ATAD3B: variants seen among roughly 807,000 people sequenced by gnomAD.
The protein encoded by ATAD3B is ATPase family AAA domain containing 3B.
Under a neutral mutation model 70.2 loss-of-function variants are expected in ATAD3B, and 59 were observed. The ratio of observed to expected loss-of-function variants is 0.84; its 90% CI spans 0.68 to 1.04. The LOEUF is 1.04. Among genes scored for constraint, ATAD3B ranks in the 50% least tolerant of loss-of-function variants. The pLI is 0.00. For synonymous variants in ATAD3B, 423 were observed against 388.6 expected (o/e 1.09, Z -1.04); for missense variants, 961 against 913.4 (o/e 1.05, Z -0.67).
At chr1:1,479,883 C>G (rs1047662785) in intron 4 of ATAD3B, among the ~76,000 whole-genome samples, 2 of 143,662 alleles carry the variant, frequency 1.4e-5, no homozygotes, top group Non-Finnish European at 3.0e-5. Flanking sequence ...CACCCCCACA[C>G]GGGCATGCAC....
At chr1:1,477,192 T>G in intron 1 of ATAD3B, 82 bp from the exon 2 acceptor site, 2 of 1,544,236 alleles carry the variant, frequency 1.3e-6, no homozygotes, top group Non-Finnish European at 1.8e-6. Flanking sequence ...GTATTTTTAG[T>G]AGAGGTTGGG....
chr1:1,506,812 G>C, the ATAD3B span, among the ~76,000 whole-genome samples: 1 of 143,316 alleles, frequency 7.0e-6, no homozygotes, highest in African/African-American at 2.6e-5. Context: ...TTTTGATATG[G>C]AGTCTCGCTC....
At chr1:1,501,297 G>A (rs1277188074), downstream of ATAD3B, among the ~76,000 whole-genome samples, 7 of 148,074 alleles carry the variant, frequency 4.7e-5, no homozygotes, top group African/African-American at 1.5e-4. Flanking sequence ...CTCTGTCACC[G>A]AGGCTGGAGT....
In ATAD3B at chr1:1,482,137, G is replaced by C. The variant is rs772346770; in HGVS notation, c.515-1G>C. On this transcript the variant is annotated splice_acceptor_variant, in intron 5 of 15. Transcript: ENST00000673477. LOFTEE classifies it high-confidence loss of function. ...TGAGCTGCCCTGCCTCTCTGGGGCA[G>C]CCACCGTGGAGCGGGAGATGGAGCT... is the stretch of plus-strand genomic sequence containing the variant. 48 of 1,607,008 alleles carry C rather than the reference G, an allele frequency of 3.0e-5. 1 individual carries two copies. The highest frequency in any genetic ancestry group is 1.3e-4 in the Admixed American group (8 of 59,362).
rs984804497 is a variant in ATAD3B, at chr1:1,496,257, G to A, written c.*440G>A. ...CTCGGGGTTTCAGGGGCGCCCTAGCGTCCTCCTGGGGTCAAAGGTGACATA... is the reference window on the plus strand; with the variant it reads ...CTCGGGGTTTCAGGGGCGCCCTAGCATCCTCCTGGGGTCAAAGGTGACATA... On this transcript the variant is annotated 3_prime_UTR_variant, in exon 16 of 16. Transcript: ENST00000673477. 3.3e-5 allele frequency: 33 copies of A among 992,928 alleles called. 1 individual carries two copies. The highest frequency in any genetic ancestry group is 1.4e-4 in the South Asian group (3 of 21,556). The allele number at this position is 992,928 out of a possible 1,614,324, so 61.5% of individuals were successfully genotyped here. A position where few individuals can be genotyped will look rare whatever the true frequency, so the allele number is the denominator to read the frequency against.
intron 1 of ATAD3B, among the ~76,000 whole-genome samples, chr1:1,476,851 G>A (rs905912673): frequency 6.8e-6 from 1 of 148,082 alleles, no homozygotes; most frequent in East Asian, 2.0e-4. Context: ...CTGTTGCCCC[G>A]GCTGGAGTGC....
chr1:1,501,517 A>C (rs1333743194), downstream of ATAD3B, among the ~76,000 whole-genome samples: 2 of 152,196 alleles, frequency 1.3e-5, no homozygotes, highest in African/African-American at 4.8e-5. Flanking sequence ...GGCCTCCCAA[A>C]GTGCTGGAAT....
chr1:1,500,487 G>A (rs1640919255), downstream of ATAD3B, among the ~76,000 whole-genome samples: 1 of 149,106 alleles, frequency 6.7e-6, no homozygotes, highest in South Asian at 2.1e-4. Context: ...AGGAGGCGGA[G>A]CTTGCAGTGA....
At chr1:1,485,969 G>C (rs1640189510) in intron 9 of ATAD3B, 131 bp downstream of exon 9, 1 of 1,591,898 alleles carries the variant, frequency 6.3e-7, no homozygotes, top group African/African-American at 1.3e-5. Context: ...TGCTTGGACT[G>C]TGCCGGGGAT....
intron 15 of ATAD3B, among the ~76,000 whole-genome samples, chr1:1,491,376 C>T (rs1385295691): frequency 6.6e-6 from 1 of 151,894 alleles, no homozygotes; most frequent in Non-Finnish European, 1.5e-5. Flanking sequence ...ACTAAAAATA[C>T]AAAAATTAGC....
At chr1:1,480,669 A>C (rs112150978) in intron 4 of ATAD3B, among the ~76,000 whole-genome samples, 198 bp from the exon 5 acceptor site, 4,816 of 144,338 alleles carry the variant, frequency 0.033, 679 homozygotes, top group African/African-American at 0.12. Flanking sequence ...GGAGTTTGGG[A>C]CCCTGAACCC....
At chr1:1,478,362 G>C in intron 2 of ATAD3B, 12 of 1,417,158 alleles carry the variant, frequency 8.5e-6, no homozygotes, top group Non-Finnish European at 1.1e-5. Context: ...GTGAGCACCT[G>C]CCTGGAGCTG....
intron 15 of ATAD3B, among the ~76,000 whole-genome samples, chr1:1,493,179 A>G (rs1427474011): frequency 6.6e-6 from 1 of 151,828 alleles, no homozygotes; most frequent in Non-Finnish European, 1.5e-5. Flanking sequence ...TTCTACACAT[A>G]AGATTATGTC....
chr1:1,485,949 G>A, intron 9 of ATAD3B, 111 bp downstream of exon 9: 1 of 1,598,312 alleles, frequency 6.3e-7, no homozygotes, highest in Admixed American at 1.7e-5. Context: ...TTTGGGTCCT[G>A]AGATGCAACT....
chr1:1,482,518 C>G (rs1418021610), intron 6 of ATAD3B, 27 bp from the exon 7 acceptor site: 2 of 1,613,340 alleles, frequency 1.2e-6, no homozygotes, highest in African/African-American at 2.7e-5. Context: ...CGTGTCCTTC[C>G]TGGTCACACC....
At chr1:1,507,948 C>T in the ATAD3B span, among the ~76,000 whole-genome samples, 2 of 152,220 alleles carry the variant, frequency 1.3e-5, no homozygotes, top group Non-Finnish European at 2.9e-5. Flanking sequence ...GGGTCTTGCC[C>T]CAGAATCCCA....
At chr1:1,505,213 G>A in the ATAD3B span, among the ~76,000 whole-genome samples, 3 of 152,096 alleles carry the variant, frequency 2.0e-5, no homozygotes, top group African/African-American at 2.4e-5. Flanking sequence ...TGGGTCACGT[G>A]TCCACTGGAC....
At chr1:1,477,239 C>G in intron 1 of ATAD3B, 35 bp from the exon 2 acceptor site, 1 of 1,610,376 alleles carries the variant, frequency 6.2e-7, no homozygotes, top group Non-Finnish European at 8.5e-7. Flanking sequence ...ATCCGTGTAT[C>G]CTACACCTGC....
downstream of ATAD3B, among the ~76,000 whole-genome samples, chr1:1,498,938 A>C (rs922952272): frequency 5.3e-5 from 8 of 150,424 alleles, no homozygotes; most frequent in African/African-American, 2.0e-4. Flanking sequence ...TATTCCTGAC[A>C]CAGGTAGCCC....
Sources: gnomAD v4.1 joint callset for allele counts (sites outside exome capture counted in the v4.1 genomes callset) on GRCh38, gnomAD v4.1.1 for gene constraint, MANE v1.5 for transcripts, NCBI Gene and HGNC (gene_info 2026-07-23, HGNC 2026-07-21) for gene names.